Variants in RAB3B observed in about 807,000 individuals in gnomAD.
RAB3B encodes the protein ras-related protein Rab-3B.
Under a neutral mutation model 20.5 loss-of-function variants are expected in RAB3B, and 11 were observed. The ratio of observed to expected loss-of-function variants is 0.54; its 90% CI spans 0.34 to 0.89. The LOEUF (loss-of-function observed/expected upper bound fraction) is 0.89. RAB3B is among the 40% of genes least tolerant of loss of function. The probability of loss-of-function intolerance (pLI) is 0.02; values close to 1 mark genes in which losing one functional copy is unlikely to be tolerated. For missense variants in RAB3B, 225 were observed against 280.9 expected, an observed-to-expected ratio of 0.80 and a Z score of 1.42; for synonymous variants, 99 against 106.3, an observed-to-expected ratio of 0.93 and a Z score of 0.42.
At chr1:51,965,324 A>T (rs965851099) in intron 2 of RAB3B, among the ~76,000 whole-genome samples, 15 of 152,212 alleles carry the variant, frequency 9.9e-5, no homozygotes, top group African/African-American at 3.4e-4. Flanking sequence ...GTCTGTAAAT[A>T]TACTAAAAAT....
intron 2 of RAB3B, among the ~76,000 whole-genome samples, chr1:51,972,221 T>C (rs1488914786): frequency 6.6e-6 from 1 of 152,186 alleles, no homozygotes; most frequent in African/African-American, 2.4e-5. Context: ...AGCTTATTTC[T>C]AGAATTTTCT....
At chr1:51,945,943 G>A (rs1421741533) in intron 2 of RAB3B, among the ~76,000 whole-genome samples, 1 of 152,100 alleles carries the variant, frequency 6.6e-6, no homozygotes, top group Non-Finnish European at 1.5e-5. Flanking sequence ...CCTCACATCT[G>A]GAATGGAAAT....
chr1:51,922,564 A>G (rs916292560), intron 4 of RAB3B, among the ~76,000 whole-genome samples: 11 of 152,002 alleles, frequency 7.2e-5, no homozygotes, highest in South Asian at 2.1e-4. Context: ...TCTCTTTCCT[A>G]TATGTTCCTG....
rs1017363456 is a variant in RAB3B, at chr1:51,981,080, G to T, written c.1-3963C>A. Among the ~76,000 whole-genome samples the T allele has an allele frequency of 5.3e-5, 8 of 152,062 alleles. 1 individual carries two copies. In the South Asian group the frequency reaches 1.5e-3, roughly 28 times the overall value. Reference sequence around the variant, plus strand: ...GGGTCTCTCTCTGTCGCCCAGGCTGGAGTGCAATGGCACTATCTTGGCTCA... The same window carrying T: ...GGGTCTCTCTCTGTCGCCCAGGCTGTAGTGCAATGGCACTATCTTGGCTCA... On this transcript the variant is annotated intron_variant, in intron 1 of 4. Transcript: ENST00000371655.
Position 51,913,994 on chromosome 1 carries a change from T to A in RAB3B, c.*5933A>T, listed in dbSNP as rs1684046361. 1 of 152,270 alleles carries A rather than the reference T, an allele frequency of 6.6e-6. No homozygotes were observed. The highest frequency in any genetic ancestry group is 1.5e-5 in the Non-Finnish European group (1 of 68,092). 9.4% of individuals were successfully genotyped at this position (152,270 alleles called of 1,614,324 possible). ...CCTCAACAGCCCCAGTCATCTCAGC[T>A]GGGACCCCAGACATGTGGATGTAGC... On this transcript the variant is annotated 3_prime_UTR_variant, in exon 5 of 5. Coordinates refer to ENST00000371655, the MANE Select transcript of RAB3B (RefSeq NM_002867.4).
Position 51,933,705 on chromosome 1 carries a change from C to T in RAB3B, c.348-263G>A, listed in dbSNP as rs182020557. Among the ~76,000 whole-genome samples the T allele has an allele frequency of 8.3e-4, 126 of 152,282 alleles. 1 individual carries two copies. In the Middle Eastern group the frequency reaches 0.024, roughly 29 times the overall value. ...TGGCTGTCTCCAGATACTGGAGCTG[C>T]TGGCACCTTGATCTTGGACTTCCTA... On this transcript the variant is annotated intron_variant, in intron 3 of 4. Coordinates refer to ENST00000371655, the MANE Select transcript of RAB3B (RefSeq NM_002867.4).
chr1:51,932,082 T>TA (rs1684334676), intron 4 of RAB3B, among the ~76,000 whole-genome samples: 3 of 152,074 alleles, frequency 2.0e-5, no homozygotes, highest in Admixed American at 2.0e-4. Context: ...ATTAAGCACT[T>TA]ATAGTTTGCT....
intron 4 of RAB3B, among the ~76,000 whole-genome samples, 171 bp downstream of exon 4, chr1:51,933,147 C>A (rs570946127): frequency 5.9e-5 from 9 of 152,044 alleles, no homozygotes; most frequent in Non-Finnish European, 1.3e-4. Flanking sequence ...CAGCACAAAG[C>A]CCATATGTAC....
rs750590910 is a variant in RAB3B at position 51,933,457 on chromosome 1, A to G, written c.348-15T>C. The G allele has an allele frequency of 1.9e-6, 3 of 1,606,446 alleles. No individual in the cohort carries two copies. The highest frequency in any genetic ancestry group is 1.7e-4 in the Middle Eastern group (1 of 6,058). On this transcript the variant is annotated splice_polypyrimidine_tract_variant and intron_variant, in intron 3 of 4. Coordinates refer to ENST00000371655, the MANE Select transcript of RAB3B (RefSeq NM_002867.4). ...TCTGAGTAGCCCTAAAATGAGATAG[A>G]AAGAGATATGTTAATCATATTCCTA...
chr1:51,948,047 T>C (rs1469827416), intron 2 of RAB3B, among the ~76,000 whole-genome samples: 2 of 152,240 alleles, frequency 1.3e-5, no homozygotes, highest in Admixed American at 6.5e-5. Flanking sequence ...TCTTTACTCA[T>C]GTGGCAGCCC....
chr1:51,989,208 T>TTTTGTGTGTG (rs1318914367), intron 1 of RAB3B, among the ~76,000 whole-genome samples: 9 of 99,870 alleles, frequency 9.0e-5, no homozygotes, highest in African/African-American at 2.6e-4. Flanking sequence ...CCATCTTGTT[T>TTTTGTGTGTG]TGTGTGTGTG....
intron 2 of RAB3B, among the ~76,000 whole-genome samples, chr1:51,944,953 C>T (rs919756210): frequency 9.9e-5 from 15 of 152,162 alleles, no homozygotes; most frequent in African/African-American, 3.1e-4. Flanking sequence ...AACAGCATCA[C>T]CATGCAACAG....
chr1:51,958,610 T>G (rs557322324), intron 2 of RAB3B, among the ~76,000 whole-genome samples: 3 of 151,784 alleles, frequency 2.0e-5, no homozygotes, highest in Non-Finnish European at 4.4e-5. Flanking sequence ...GTAATCCCAG[T>G]TACTCGGGAG....
chr1:51,989,486 T>TGG (rs1294260496), intron 1 of RAB3B, among the ~76,000 whole-genome samples: 1 of 151,842 alleles, frequency 6.6e-6, no homozygotes, highest in Non-Finnish European at 1.5e-5. Context: ...CGCTAGTGCG[T>TGG]GGACACCACT....
intron 2 of RAB3B, among the ~76,000 whole-genome samples, chr1:51,960,824 C>G (rs778421513): frequency 4.6e-5 from 7 of 152,116 alleles, no homozygotes; most frequent in Non-Finnish European, 7.4e-5. Context: ...GGTGGTAACC[C>G]TAAGATCAGT....
At position 51,934,788 on chromosome 1, in the gene RAB3B, A is replaced by C. The variant is rs566722906; in HGVS notation, c.348-1346T>G. ...GAGACTCCATCTCAAAAAAAAAAAA[A>C]AAAAAAAAAACCTTTTCAAATTTCT... On this transcript the variant is annotated intron_variant, in intron 3 of 4. Coordinates refer to ENST00000371655, the MANE Select transcript of RAB3B (RefSeq NM_002867.4). Among the ~76,000 whole-genome samples, 3 of 151,846 alleles carry C rather than the reference A, an allele frequency of 2.0e-5. 1 individual carries two copies. Among genetic ancestry groups the C allele is most frequent in the African/African-American group, 7.3e-5 (3 of 41,370 alleles).
intron 2 of RAB3B, among the ~76,000 whole-genome samples, chr1:51,940,597 G>A (rs1684478368): frequency 6.6e-6 from 1 of 152,110 alleles, no homozygotes; most frequent in South Asian, 2.1e-4. Flanking sequence ...ATTCCAGCCT[G>A]GGTGAAAGAG....
In RAB3B at chr1:51,910,373, G is replaced by A. The variant is rs34173577; in HGVS notation, c.*9554C>T. On this transcript the variant is annotated 3_prime_UTR_variant, in exon 5 of 5. Coordinates refer to ENST00000371655, the MANE Select transcript of RAB3B (RefSeq NM_002867.4). Reference sequence around the variant, plus strand: ...GCATTTCTGGCACATAAACATGGCTGCCTGGTGTCTCTTTTCAAACAAATG... The same window carrying A: ...GCATTTCTGGCACATAAACATGGCTACCTGGTGTCTCTTTTCAAACAAATG... The A allele has an allele frequency of 0.089, 13,606 of 152,176 alleles. 672 individuals carry two copies. The highest frequency in any genetic ancestry group is 0.2 in the Middle Eastern group (58 of 294). The allele number at this position is 152,176 out of a possible 1,614,324, so 9.4% of individuals were successfully genotyped here. A position where few individuals can be genotyped will look rare whatever the true frequency, so the allele number is the denominator to read the frequency against.
rs547659037 is a variant in RAB3B, at chr1:51,955,900, C to T, written c.229-18488G>A. 3.3e-5 allele frequency among the ~76,000 whole-genome samples: 5 copies of T among 152,266 alleles called. No individual in the cohort carries two copies. In the East Asian group the frequency reaches 9.6e-4, roughly 29 times the overall value. ...GCCCAAGTCACCATAGCAGACGAGT[C>T]CCCTGAGGATCATTTGCATACAGGT... On this transcript the variant is annotated intron_variant, in intron 2 of 4. Coordinates refer to ENST00000371655, the MANE Select transcript of RAB3B (RefSeq NM_002867.4).
Sources: allele counts gnomAD v4.1 joint callset (sites outside exome capture counted in the v4.1 genomes callset), GRCh38; gene constraint gnomAD v4.1.1; transcripts MANE v1.5; gene names NCBI Gene and HGNC (gene_info 2026-07-23, HGNC 2026-07-21).